Variants in CDH18 observed in about 807,000 individuals in gnomAD.
CDH18 encodes the protein cadherin 18.
In CDH18, 31 loss-of-function variants were observed where a neutral mutation model predicts 67.9. The observed-to-expected ratio is 0.46, with a 90% confidence interval of 0.34 to 0.62. The LOEUF is 0.62. Ranked by LOEUF, CDH18 falls within the 20% of genes least tolerant of loss-of-function variation. CDH18 has a pLI of 0.01. For missense variants in CDH18, 890 were observed against 975.5 expected (o/e 0.91, Z 1.17); for synonymous variants, 362 against 347.2 (o/e 1.04, Z -0.48).
intron 5 of CDH18, among the ~76,000 whole-genome samples, chr5:19,615,702 C>T (rs1209931079): frequency 6.6e-6 from 1 of 152,162 alleles, no homozygotes; most frequent in South Asian, 2.1e-4. Flanking sequence ...TATCCCTCCC[C>T]TCCCTCAACC....
At chr5:19,840,222 C>G (rs537642493) in intron 2 of CDH18, among the ~76,000 whole-genome samples, 10 of 143,384 alleles carry the variant, frequency 7.0e-5, no homozygotes, top group African/African-American at 2.1e-4. Flanking sequence ...AAGCCTAGAT[C>G]TGAGATCGCA....
chr5:20,032,197 T>G (rs958869677), intron 2 of CDH18, among the ~76,000 whole-genome samples: 1 of 151,588 alleles, frequency 6.6e-6, no homozygotes, highest in Non-Finnish European at 1.5e-5. Context: ...TATATATGTA[T>G]GCATGTGTAT....
chr5:20,423,306 C>G (rs1484214350), intron 1 of CDH18, among the ~76,000 whole-genome samples: 1 of 151,194 alleles, frequency 6.6e-6, no homozygotes, highest in Non-Finnish European at 1.5e-5. Context: ...TAGCTTGCCA[C>G]GTCATCACTC....
At chr5:19,566,700 T>C (rs1444386683) in intron 8 of CDH18, among the ~76,000 whole-genome samples, 1 of 152,026 alleles carries the variant, frequency 6.6e-6, no homozygotes. Context: ...TTATGGGAGA[T>C]ACAATTCAAG....
At chr5:20,194,479 G>C (rs1422377382) in intron 2 of CDH18, among the ~76,000 whole-genome samples, 4 of 151,986 alleles carry the variant, frequency 2.6e-5, no homozygotes, top group Non-Finnish European at 4.4e-5. Flanking sequence ...GCTAATCAGA[G>C]TTGTTGATGA....
At chr5:20,158,663 C>A in intron 2 of CDH18, 1 of 168,430 alleles carries the variant, frequency 5.9e-6, no homozygotes. Flanking sequence ...CTGCCTCACT[C>A]ATGCAGCAAG....
At chr5:19,801,277 C>T (rs1777439876) in intron 3 of CDH18, among the ~76,000 whole-genome samples, 2 of 152,240 alleles carry the variant, frequency 1.3e-5, no homozygotes, top group Admixed American at 1.3e-4. Flanking sequence ...GGCAAAAAGA[C>T]TAAGTACACG....
intron 1 of CDH18, among the ~76,000 whole-genome samples, chr5:20,507,305 G>C (rs1293625417): frequency 6.6e-6 from 1 of 152,092 alleles, no homozygotes; most frequent in Non-Finnish European, 1.5e-5. Context: ...GAAAATATCA[G>C]AGACAATGTG....
chr5:20,011,357 G>A (rs945532701), intron 2 of CDH18, among the ~76,000 whole-genome samples: 5 of 152,122 alleles, frequency 3.3e-5, no homozygotes, highest in African/African-American at 1.2e-4. Flanking sequence ...CTTTTGGGCT[G>A]AAACAATGGA....
rs1009845675 is a variant in CDH18, at chr5:20,150,648, T to C, written c.-518+104796A>G. On this transcript the variant is annotated intron_variant, in intron 2 of 14. Coordinates refer to the CDH18 transcript ENST00000507958. ...TTCTATATTTTTTAAGTTTTATATT[T>C]GTTTTATGTGGTTCTGTGTATATTG... Among the ~76,000 whole-genome samples the C allele has an allele frequency of 2.0e-5, 3 of 152,046 alleles. No individual in the cohort carries two copies. The East Asian group carries it at 5.8e-4, about 29-fold the overall frequency.
At chr5:20,020,987 C>T (rs955501842) in intron 2 of CDH18, among the ~76,000 whole-genome samples, 18 of 151,148 alleles carry the variant, frequency 1.2e-4, no homozygotes, top group Admixed American at 5.9e-4. Context: ...GCAGAGCCAC[C>T]GGGGTGAAGG....
In CDH18 at chr5:20,366,122, T is replaced by C. The variant is rs371792037; in HGVS notation, c.-579-110617A>G. Among the ~76,000 whole-genome samples, 14 of 152,180 alleles carry C rather than the reference T, an allele frequency of 9.2e-5. No homozygotes were observed. The East Asian group carries it at 1.9e-3, about 21-fold the overall frequency. ...GTAAATAGAAAACACAATAACCTGATTGATTATGTAAACTGAAATATTATA... is the reference window on the plus strand; with the variant it reads ...GTAAATAGAAAACACAATAACCTGACTGATTATGTAAACTGAAATATTATA... On this transcript the variant is annotated intron_variant, in intron 1 of 14. Coordinates refer to the CDH18 transcript ENST00000507958.
chr5:20,092,997 C>G (rs1342309261), intron 2 of CDH18, among the ~76,000 whole-genome samples: 1 of 152,022 alleles, frequency 6.6e-6, no homozygotes, highest in Non-Finnish European at 1.5e-5. Flanking sequence ...TAAATATGTA[C>G]TTTTTATTTT....
chr5:20,551,815 G>C (rs2126622729), intron 1 of CDH18, among the ~76,000 whole-genome samples: 1 of 151,920 alleles, frequency 6.6e-6, no homozygotes, highest in Admixed American at 6.6e-5. Context: ...AAAATGTGTA[G>C]GTCTGTAAGT....
chr5:20,287,916 A>G (rs913027583), intron 1 of CDH18, among the ~76,000 whole-genome samples: 1 of 151,798 alleles, frequency 6.6e-6, no homozygotes, highest in African/African-American at 2.4e-5. Flanking sequence ...ATTTTCTCAA[A>G]TTTATCCTTG....
intron 5 of CDH18, among the ~76,000 whole-genome samples, chr5:19,683,769 C>G (rs900365996): frequency 1.7e-4 from 26 of 152,154 alleles, no homozygotes; most frequent in Admixed American, 1.4e-3. Context: ...CTTTCCAATA[C>G]ACACTCATTA....
intron 8 of CDH18, among the ~76,000 whole-genome samples, chr5:19,561,961 G>T (rs1314493132): frequency 1.3e-5 from 2 of 152,020 alleles, no homozygotes; most frequent in African/African-American, 2.4e-5. Context: ...CAAAATACAG[G>T]TTGTAGACAA....
chr5:19,690,817 C>T (rs748000369), intron 5 of CDH18, among the ~76,000 whole-genome samples: 1 of 151,610 alleles, frequency 6.6e-6, no homozygotes, highest in Non-Finnish European at 1.5e-5. Context: ...AATCCCAGGA[C>T]CTAAAGGTTT....
intron 3 of CDH18, among the ~76,000 whole-genome samples, chr5:19,769,655 T>G (rs1320562536): frequency 6.6e-6 from 1 of 152,032 alleles, no homozygotes; most frequent in Admixed American, 6.6e-5. Context: ...ACTCTTAAAA[T>G]GAAACACAAA....
Sources: allele counts gnomAD v4.1 joint callset (sites outside exome capture counted in the v4.1 genomes callset), GRCh38; gene constraint gnomAD v4.1.1; transcripts MANE v1.5; gene names NCBI Gene and HGNC (gene_info 2026-07-23, HGNC 2026-07-21).